The following INSR variants were observed in gnomAD, a reference collection of about 807,000 sequenced individuals.
INSR encodes IR.
A neutral mutation model predicts 142.6 loss-of-function variants in INSR; 67 were observed. That is an observed-to-expected ratio of 0.47 (90% confidence interval 0.39 to 0.58). INSR has a LOEUF of 0.58. Among genes scored for constraint, INSR ranks in the 20% least tolerant of loss-of-function variants. The pLI, the probability that INSR is intolerant of heterozygous loss-of-function variation, is 0.00. For synonymous variants in INSR, 756 were observed against 743.1 expected (o/e 1.02, Z -0.28); for missense variants, 1,248 against 1,833.2 (o/e 0.68, Z 5.83).
rs570569273 is a variant in INSR, at chr19:7,150,926, T to C, written c.2232-394A>G. Among the ~76,000 whole-genome samples, 3,872 of 151,908 alleles carry C rather than the reference T, an allele frequency of 0.025. 80 individuals carry two copies. Among genetic ancestry groups the C allele is most frequent in the Middle Eastern group, 0.054 (16 of 294 alleles). On this transcript the variant is annotated intron_variant, in intron 10 of 21. Transcript: ENST00000302850. This position sits in a 1 kb window ranked among gnomAD's most constrained non-coding sequence, Gnocchi z 4.2. ...TCTTTCTCCTTTTCTTTTCTCTTTCTCTTTTCTCTCTCCCTCTCTCTCCTT... is the reference window on the plus strand; with the variant it reads ...TCTTTCTCCTTTTCTTTTCTCTTTCCCTTTTCTCTCTCCCTCTCTCTCCTT...
intron 16 of INSR, among the ~76,000 whole-genome samples, chr19:7,126,081 C>T (rs1972638696): frequency 6.6e-6 from 1 of 152,136 alleles, no homozygotes; most frequent in African/African-American, 2.4e-5. Flanking sequence ...GAGCTTTCTA[C>T]TAGGAACCAA....
At chr19:7,121,581 C>A (rs1237834211) in intron 19 of INSR, among the ~76,000 whole-genome samples, 1 of 152,076 alleles carries the variant, frequency 6.6e-6, no homozygotes, top group Non-Finnish European at 1.5e-5. Flanking sequence ...ATCCTCCCAC[C>A]CCAGCCTCCT....
chr19:7,190,743 T>A (rs1974560355), intron 2 of INSR, among the ~76,000 whole-genome samples: 1 of 152,184 alleles, frequency 6.6e-6, no homozygotes, highest in Non-Finnish European at 1.5e-5. Context: ...GAGATGTTGA[T>A]CAAACTACAA....
rs1135401738 is a variant in INSR, at chr19:7,142,833, G to A, written c.2525C>T (p.Ala842Val). 3.1e-6 allele frequency: 5 copies of A among 1,613,984 alleles called. No individual in the cohort carries two copies. Among genetic ancestry groups the A allele is most frequent in the African/African-American group, 1.3e-5 (1 of 75,040 alleles). Residue 842 changes from alanine (A) to valine (V), a missense_variant, in exon 12 of 22, where the codon GCG (alanine) becomes GTG (valine). By Grantham distance (64) the Ala-to-Val change is moderately conservative (BLOSUM62 0). This residue lies in a region of INSR where 1,069 missense variants were observed against 1,654.0 expected (regional missense o/e 0.65). Coordinates refer to ENST00000302850, the MANE Select transcript of INSR (RefSeq NM_000208.4). ...ERCSVAAYVS[A>V]RTMPEAKADD... ...AGCCCTACCTTCAGGCATGGTCCTC[G>A]CACTGACGTAGGCTGCCACACTGCA... is the stretch of plus-strand genomic sequence containing the variant.
At chr19:7,229,401 A>T (rs1451652223) in intron 2 of INSR, among the ~76,000 whole-genome samples, 1 of 152,006 alleles carries the variant, frequency 6.6e-6, no homozygotes, top group Non-Finnish European at 1.5e-5. Flanking sequence ...GGAGTGATAG[A>T]TATAAAGCCA....
At chr19:7,214,231 A>G (rs750001533) in intron 2 of INSR, among the ~76,000 whole-genome samples, 4 of 152,038 alleles carry the variant, frequency 2.6e-5, no homozygotes, top group Non-Finnish European at 5.9e-5. Context: ...GGAGGCAATG[A>G]CCTCTTTCCT....
chr19:7,170,555 TG>T lies in INSR; in HGVS notation c.1464del (p.Asn489MetfsTer26). 1 of 1,612,854 alleles carries T rather than the reference TG, an allele frequency of 6.2e-7. No homozygotes were observed. Among genetic ancestry groups the T allele is most frequent in the Non-Finnish European group, 8.5e-7 (1 of 1,179,792 alleles). The part of the protein sequence containing the change: ...RQERNDIALK[T>X]NGDQASCENE... ...GACTTACAGGATGCCTGGTCCCCAT[TG>T]GTCTTCAGGGCAATGTCGTTTCTCT... On this transcript the variant is annotated frameshift_variant, in exon 6 of 22. Coordinates refer to ENST00000302850, the MANE Select transcript of INSR (RefSeq NM_000208.4). LOFTEE classifies it high-confidence loss of function.
At chr19:7,235,728 C>T (rs910390467) in intron 2 of INSR, among the ~76,000 whole-genome samples, 3 of 152,012 alleles carry the variant, frequency 2.0e-5, no homozygotes, top group Admixed American at 6.6e-5. Flanking sequence ...TGCTTGTAAT[C>T]CAAGCTACTC....
chr19:7,260,366 C>T (rs1390463181), intron 2 of INSR, among the ~76,000 whole-genome samples: 1 of 152,130 alleles, frequency 6.6e-6, no homozygotes, highest in African/African-American at 2.4e-5. Flanking sequence ...GGTGACCTCC[C>T]AGAAAGAAAA....
At position 7,116,964 on chromosome 19, in the gene INSR, G is replaced by T; in HGVS notation, c.*92C>A. On this transcript the variant is annotated 3_prime_UTR_variant, in exon 22 of 22. Coordinates refer to ENST00000302850, the MANE Select transcript of INSR (RefSeq NM_000208.4). ...TCTCTGAACTCCATTGGACATGGTA[G>T]AGTCGTGAGAATCCTGAGTTTTCCA... The T allele has an allele frequency of 1.1e-6, 1 of 945,372 alleles. No individual in the cohort carries two copies. The highest frequency in any genetic ancestry group is 1.8e-6 in the Non-Finnish European group (1 of 570,116). 58.6% of individuals were successfully genotyped at this position (945,372 alleles called of 1,614,324 possible). A position where few individuals can be genotyped will look rare whatever the true frequency, so the allele number is the denominator to read the frequency against.
In INSR at chr19:7,172,276, T is replaced by C. The variant is rs768083313; in HGVS notation, c.1268+14A>G. Reference sequence around the variant, plus strand: ...GTTAGCACTCAGGCCATACACACAATCAGGCCCACGTACCCAATTTCCAAG... The same window carrying C: ...GTTAGCACTCAGGCCATACACACAACCAGGCCCACGTACCCAATTTCCAAG... On this transcript the variant is annotated intron_variant, in intron 5 of 21. Transcript: ENST00000302850. The C allele has an allele frequency of 1.2e-6, 2 of 1,613,848 alleles. No homozygotes were observed. Among genetic ancestry groups the C allele is most frequent in the Non-Finnish European group, 1.7e-6 (2 of 1,179,886 alleles).
intron 2 of INSR, among the ~76,000 whole-genome samples, chr19:7,205,089 A>T (rs2145056999): frequency 6.6e-6 from 1 of 152,284 alleles, no homozygotes; most frequent in Admixed American, 6.5e-5. Context: ...CATCTCAAAA[A>T]AAGTTTACTA....
intron 7 of INSR, among the ~76,000 whole-genome samples, chr19:7,167,734 G>A (rs1466339593): frequency 2.0e-5 from 3 of 152,080 alleles, no homozygotes; most frequent in South Asian, 2.1e-4. Context: ...TGGCCAGTCC[G>A]GGCTTCTATG....
intron 2 of INSR, among the ~76,000 whole-genome samples, chr19:7,207,926 A>AAGGAAGGG (rs1975152230): frequency 7.9e-6 from 1 of 126,226 alleles, no homozygotes; most frequent in Non-Finnish European, 1.7e-5. Flanking sequence ...GGAAGGAAGG[A>AAGGAAGGG]AGGAAGGAAG....
At chr19:7,134,103 C>T (rs1599884248) in intron 13 of INSR, among the ~76,000 whole-genome samples, 1 of 151,726 alleles carries the variant, frequency 6.6e-6, no homozygotes, top group Non-Finnish European at 1.5e-5. Flanking sequence ...GGCGTGAACC[C>T]GGGAGGCGGA....
chr19:7,219,554 G>A (rs1382910379), intron 2 of INSR, among the ~76,000 whole-genome samples: 3 of 116,594 alleles, frequency 2.6e-5, no homozygotes, highest in African/African-American at 6.9e-5. Flanking sequence ...GGGAGGGAAG[G>A]GGGAGAGAGA....
At chr19:7,193,900 C>T (rs562232643) in intron 2 of INSR, among the ~76,000 whole-genome samples, 52 of 152,190 alleles carry the variant, frequency 3.4e-4, no homozygotes, top group South Asian at 3.1e-3. Flanking sequence ...TGAGGTCTCA[C>T]AATATTGCCC....
chr19:7,186,143 C>G (rs190113095), intron 2 of INSR, among the ~76,000 whole-genome samples: 2 of 151,972 alleles, frequency 1.3e-5, no homozygotes, highest in Admixed American at 6.6e-5. Flanking sequence ...TGCAGGGAGC[C>G]GAGATCATGC....
chr19:7,291,410 C>T (rs906934226), intron 1 of INSR, among the ~76,000 whole-genome samples: 3 of 152,246 alleles, frequency 2.0e-5, no homozygotes, highest in Non-Finnish European at 4.4e-5. Flanking sequence ...GCGCATAGAA[C>T]AGCACCTGCT....
Sources: allele counts gnomAD v4.1 joint callset (sites outside exome capture counted in the v4.1 genomes callset), GRCh38; gene constraint gnomAD v4.1.1; regional missense constraint gnomAD v4.1.1; non-coding constraint Gnocchi (gnomAD v3.1); transcripts MANE v1.5; gene names NCBI Gene and HGNC (gene_info 2026-07-23, HGNC 2026-07-21).